The following METTL4 variants were observed in gnomAD, a reference collection of about 807,000 sequenced individuals.
METTL4 encodes the protein methyltransferase 4, N6-adenosine, also known as N(6)-adenine-specific methyltransferase METTL4.
Under a neutral mutation model 54.0 loss-of-function variants are expected in METTL4, and 40 were observed. The ratio of observed to expected loss-of-function variants is 0.74; its 90% CI spans 0.58 to 0.96. METTL4 has a LOEUF of 0.96. Ranked by LOEUF, METTL4 falls within the 50% of genes least tolerant of loss-of-function variation. The probability of loss-of-function intolerance (pLI) is 0.00; values close to 1 mark genes in which losing one functional copy is unlikely to be tolerated. For synonymous variants in METTL4, 169 were observed against 183.8 expected (o/e 0.92, Z 0.65); for missense variants, 525 against 549.0 (o/e 0.96, Z 0.44).
At chr18:2,543,013 A>G (rs1017798617) in intron 8 of METTL4, among the ~76,000 whole-genome samples, 2 of 151,520 alleles carry the variant, frequency 1.3e-5, no homozygotes, top group African/African-American at 2.4e-5. Context: ...AGGCCCAGCC[A>G]CTCAGGAGGC....
At chr18:2,546,507 C>T (rs1295455409) in intron 6 of METTL4, among the ~76,000 whole-genome samples, 1 of 152,038 alleles carries the variant, frequency 6.6e-6, no homozygotes, top group African/African-American at 2.4e-5. Context: ...CTACTGTACA[C>T]AGCTTTTAGA....
Position 2,537,747 on chromosome 18 carries a change from T to C in METTL4, c.*1253A>G. On this transcript the variant is annotated 3_prime_UTR_variant, in exon 9 of 9. Transcript: ENST00000574538. ...AACATTTTACTTAGTGGATAAATAT[T>C]TGTCAACAATCTGTAAATAGTATAA... 1 of 397,028 alleles carries C rather than the reference T, an allele frequency of 2.5e-6. No individual in the cohort carries two copies. Among genetic ancestry groups the C allele is most frequent in the Non-Finnish European group, 4.4e-6 (1 of 225,400 alleles). The allele number at this position is 397,028 out of a possible 1,614,324, so 24.6% of individuals were successfully genotyped here. A position where few individuals can be genotyped will look rare whatever the true frequency, so the allele number is the denominator to read the frequency against.
intron 5 of METTL4, among the ~76,000 whole-genome samples, chr18:2,549,819 TAAAAAAAAAAAA>T (rs397758263): frequency 5.1e-5 from 4 of 79,066 alleles, no homozygotes; most frequent in South Asian, 5.6e-4. Context: ...CCATCTCTAC[TAAAAAAAAAAAA>T]AAAAAAAAAA....
At chr18:2,558,635 AAC>A (rs139534218) in intron 3 of METTL4, among the ~76,000 whole-genome samples, 16,515 of 151,948 alleles carry the variant, frequency 0.11, 924 homozygotes, top group Non-Finnish European at 0.13. Flanking sequence ...AATAAAAAAA[AAC>A]ACAGAAGTCA....
chr18:2,547,441 T>TG lies in METTL4; in HGVS notation c.987dup (p.Asn330GlnfsTer2). ...ATAAAACGTAGGTGCTTCTGTCTAT[T>TG]GGTCACCCAAGTAACAAGAAGACAG... On this transcript the variant is annotated frameshift_variant, in exon 6 of 9. Coordinates refer to ENST00000574538, the MANE Select transcript of METTL4 (RefSeq NM_022840.5). LOFTEE classifies it high-confidence loss of function. 2.5e-6 allele frequency: 4 copies of TG among 1,612,474 alleles called. No individual in the cohort carries two copies. The highest frequency in any genetic ancestry group is 3.4e-6 in the Non-Finnish European group (4 of 1,179,046).
chr18:2,559,608 A>T (rs1418092185), intron 3 of METTL4, among the ~76,000 whole-genome samples: 1 of 152,258 alleles, frequency 6.6e-6, no homozygotes, highest in Non-Finnish European at 1.5e-5. Flanking sequence ...AAAAACCACA[A>T]ATTACTAATA....
At position 2,557,781 on chromosome 18, in the gene METTL4, G is replaced by A. The variant is rs1433196599; in HGVS notation, c.460-2743C>T. On this transcript the variant is annotated intron_variant, in intron 3 of 8. Transcript: ENST00000574538. ...GCATAAAGCACATGCTGTGCCAGGA[G>A]CAGTAAAATCCTTTGTCCCTGACCT... Among the ~76,000 whole-genome samples, 3 of 152,166 alleles carry A rather than the reference G, an allele frequency of 2.0e-5. No individual in the cohort carries two copies. In the East Asian group the frequency reaches 5.8e-4, roughly 29 times the overall value.
In METTL4 at chr18:2,547,443, G is replaced by C; in HGVS notation, c.986C>G (p.Thr329Ser). ...APNCLLVTWV[T>S]NRQKHLRFIK... ...AAAACGTAGGTGCTTCTGTCTATTG[G>C]TCACCCAAGTAACAAGAAGACAGTT... Residue 329 changes from threonine to serine, a missense_variant, in exon 6 of 9, where the codon ACC becomes AGC. Thr to Ser is a moderately conservative substitution (Grantham distance 58, BLOSUM62 1). Coordinates refer to ENST00000574538, the MANE Select transcript of METTL4 (RefSeq NM_022840.5). 3.7e-6 allele frequency: 6 copies of C among 1,611,936 alleles called. No individual in the cohort carries two copies. In the South Asian group the frequency reaches 6.6e-5, roughly 18 times the overall value.
Position 2,544,211 on chromosome 18 carries a change from A to G in METTL4, c.1257T>C (p.His419=). 6.2e-7 allele frequency: 1 copy of G among 1,608,932 alleles called. No individual in the cohort carries two copies. Among genetic ancestry groups the G allele is most frequent in the Non-Finnish European group, 8.5e-7 (1 of 1,178,334 alleles). The part of the protein sequence containing the change: ...IVSVPCTLHS[H]KPPLAEVLKD... ...AAAACATACCAGCAAGCGGTGGCTT[A>G]TGTGAGTGAAGAGTACAGGGCACGC... The change falls in exon 8 of 9, where the codon CAT becomes CAC. Residue 419 remains histidine (H), a synonymous_variant. Coordinates refer to ENST00000574538, the MANE Select transcript of METTL4 (RefSeq NM_022840.5).
intron 5 of METTL4, among the ~76,000 whole-genome samples, chr18:2,548,485 G>A (rs929701241): frequency 2.0e-5 from 3 of 152,146 alleles, no homozygotes; most frequent in African/African-American, 4.8e-5. Context: ...TAAGCTCTGA[G>A]ATCCCACTAC....
rs916692719 is a variant in METTL4 at position 2,567,044 on chromosome 18, A to G, written c.173T>C (p.Val58Ala). The G allele has an allele frequency of 1.9e-6, 3 of 1,614,152 alleles. No homozygotes were observed. The highest frequency in any genetic ancestry group is 1.1e-5 in the South Asian group (1 of 91,084). The change falls in exon 2 of 9, where the codon GTC becomes GCC. Residue 58 changes from valine to alanine, a missense_variant. By Grantham distance (64) the Val-to-Ala change is moderately conservative. Coordinates refer to ENST00000574538, the MANE Select transcript of METTL4 (RefSeq NM_022840.5). The stretch of plus-strand genomic sequence containing the variant: ...GTCAGAAGCAATAAATGCAGCACAG[A>G]CTCCAGAGGAGGACACAGAATCCAT... The part of the protein sequence containing the change: ...LQMDSVSSSG[V>A]CAAFIASDSS...
chr18:2,552,800 T>G, intron 4 of METTL4, 36 bp from the exon 5 acceptor site: 1 of 1,369,390 alleles, frequency 7.3e-7, no homozygotes. Context: ...AAATACCTTC[T>G]CTATGTGATC....
rs1210612266 is a variant in METTL4, at chr18:2,566,508, AG to A, written c.396+312del. On this transcript the variant is annotated intron_variant, in intron 2 of 8. Coordinates refer to ENST00000574538, the MANE Select transcript of METTL4 (RefSeq NM_022840.5). Reference sequence around the variant, plus strand: ...TTAATACAAATGCCTAATCAAGAAAAGGGTTTTGGGGGAGTTTTTTGTTTGG... The same window carrying A: ...TTAATACAAATGCCTAATCAAGAAAAGGTTTTGGGGGAGTTTTTTGTTTGG... 7.2e-5 allele frequency among the ~76,000 whole-genome samples: 11 copies of A among 152,204 alleles called. 1 individual carries two copies. The highest frequency in any genetic ancestry group is 1.9e-4 in the African/African-American group (8 of 41,534).
At position 2,539,007 on chromosome 18, in the gene METTL4, C is replaced by A; in HGVS notation, c.1412G>T (p.Gly471Val). 3 of 1,613,554 alleles carry A rather than the reference C, an allele frequency of 1.9e-6. No homozygotes were observed. The highest frequency in any genetic ancestry group is 2.5e-6 in the Non-Finnish European group (3 of 1,179,786). Residue 471 changes from glycine to valine, a missense_variant, in exon 9 of 9, where the codon GGA becomes GTA. Physicochemically the swap from Gly to Val is moderately radical, Grantham distance 109. Transcript: ENST00000574538. ...CTTTAATCAAGATCATAGTCAGCTT[C>A]CAGACTCCACAGCAATAAAATAATC... ...HVDYFIAVES[G>V]S is the part of the protein sequence containing the mutation.
intron 3 of METTL4, among the ~76,000 whole-genome samples, chr18:2,559,201 G>C (rs563735610): frequency 3.4e-4 from 51 of 152,086 alleles, no homozygotes; most frequent in African/African-American, 1.2e-3. Flanking sequence ...ACAGCCAAAA[G>C]GTAGAAACTA....
At chr18:2,565,260 C>T (rs913167695) in intron 2 of METTL4, among the ~76,000 whole-genome samples, 1 of 151,394 alleles carries the variant, frequency 6.6e-6, no homozygotes, top group African/African-American at 2.4e-5. Context: ...GCCTGGGAAA[C>T]AGAGCAAGAC....
Position 2,554,635 on chromosome 18 carries a change from T to C in METTL4, c.829+34A>G, listed in dbSNP as rs377156169. On this transcript the variant is annotated intron_variant, in intron 4 of 8. Coordinates refer to ENST00000574538, the MANE Select transcript of METTL4 (RefSeq NM_022840.5). ...AACTTTTCAGCCCACGGAAAAATTA[T>C]CTTTTTCTAATAACAAACACAATAA... 3.6e-5 allele frequency: 56 copies of C among 1,570,072 alleles called. No homozygotes were observed. The African/African-American group carries it at 7.1e-4, about 20-fold the overall frequency.
intron 6 of METTL4, among the ~76,000 whole-genome samples, chr18:2,546,751 C>T (rs1432594291): frequency 6.6e-6 from 1 of 152,128 alleles, no homozygotes; most frequent in Non-Finnish European, 1.5e-5. Flanking sequence ...TTTTGGTAAT[C>T]TTGTAGCATG....
chr18:2,559,272 T>A (rs1453779244), intron 3 of METTL4, among the ~76,000 whole-genome samples: 1 of 152,180 alleles, frequency 6.6e-6, no homozygotes, highest in East Asian at 1.9e-4. Flanking sequence ...ATGGAATATT[T>A]TTCAGCCTTA....
Sources: allele counts gnomAD v4.1 joint callset (sites outside exome capture counted in the v4.1 genomes callset), GRCh38; gene constraint gnomAD v4.1.1; transcripts MANE v1.5; gene names NCBI Gene and HGNC (gene_info 2026-07-23, HGNC 2026-07-21).